Variants in XKR9 observed in about 807,000 individuals in gnomAD.
XKR9 encodes the protein XK-related protein 9.
Under a neutral mutation model 32.0 loss-of-function variants are expected in XKR9, and 32 were observed. The ratio of observed to expected loss-of-function variants is 1.00; its 90% confidence interval spans 0.76 to 1.34. XKR9 has a LOEUF of 1.34. XKR9 is among the 40% of genes most tolerant of loss of function. The pLI, the probability that XKR9 is intolerant of heterozygous loss-of-function variation, is 0.00. For synonymous variants in XKR9, 168 were observed against 143.4 expected, an observed-to-expected ratio of 1.17 and a Z score of -1.22; for missense variants, 546 against 429.7, an observed-to-expected ratio of 1.27 and a Z score of -2.39.
the XKR9 span, among the ~76,000 whole-genome samples, chr8:71,035,974 C>G: frequency 6.6e-6 from 1 of 152,190 alleles, no homozygotes; most frequent in African/African-American, 2.4e-5. Context: ...TAAGCCCTCC[C>G]TCCCGGGGTA....
rs763425564 is a variant in XKR9 at position 70,693,810 on chromosome 8, A to G, written c.272+12480A>G. On this transcript the variant is annotated intron_variant, in intron 3 of 4. Transcript: ENST00000408926. ...CTTCTCCTTAGGTTGACTGCAGCTC[A>G]TTGGAGGTGTGGATAAGGCACTTGG... is the stretch of plus-strand genomic sequence containing the variant. 1.2e-3 allele frequency among the ~76,000 whole-genome samples: 185 copies of G among 152,264 alleles called. 2 individuals carry two copies. The highest frequency in any genetic ancestry group is 3.1e-3 in the Admixed American group (48 of 15,294).
downstream of XKR9, among the ~76,000 whole-genome samples, chr8:70,740,870 G>T (rs1169018305): frequency 6.6e-6 from 1 of 152,242 alleles, no homozygotes; most frequent in Non-Finnish European, 1.5e-5. Flanking sequence ...GTGTCAGTCT[G>T]CCCCTCCTGG....
chr8:70,845,073 C>A, the XKR9 span, among the ~76,000 whole-genome samples: 4 of 152,314 alleles, frequency 2.6e-5, no homozygotes, highest in African/African-American at 9.6e-5. Context: ...CCACTGGGGT[C>A]CAAGGAGTGG....
intron 3 of XKR9, among the ~76,000 whole-genome samples, chr8:70,696,795 T>C (rs1291825008): frequency 2.6e-5 from 4 of 151,654 alleles, no homozygotes; most frequent in African/African-American, 4.8e-5. Flanking sequence ...TTTCACGATA[T>C]TGATTCTTCC....
the XKR9 span, among the ~76,000 whole-genome samples, chr8:70,926,360 T>A: frequency 6.6e-6 from 1 of 152,188 alleles, no homozygotes; most frequent in African/African-American, 2.4e-5. Flanking sequence ...CGTGAGCCAC[T>A]GCACCTGGCC....
chr8:70,962,970 T>G, the XKR9 span, among the ~76,000 whole-genome samples: 5 of 152,212 alleles, frequency 3.3e-5, no homozygotes, highest in East Asian at 9.6e-4. Context: ...TTTTTTTTCT[T>G]CAACTTATAT....
chr8:70,979,604 T>C, the XKR9 span, among the ~76,000 whole-genome samples: 1 of 152,210 alleles, frequency 6.6e-6, no homozygotes, highest in East Asian at 1.9e-4. Context: ...ACAGCAAATA[T>C]TGTGCCTGAT....
chr8:70,799,632 G>A, the XKR9 span, among the ~76,000 whole-genome samples: 10 of 152,046 alleles, frequency 6.6e-5, no homozygotes, highest in African/African-American at 1.9e-4. Flanking sequence ...GTGCGAGGCC[G>A]AGATTGTATT....
the XKR9 span, among the ~76,000 whole-genome samples, chr8:70,918,820 C>T: frequency 1.5e-5 from 2 of 131,736 alleles, no homozygotes; most frequent in Admixed American, 1.6e-4. Flanking sequence ...CTCTGTCGCC[C>T]AGGCTGGAGT....
the XKR9 span, among the ~76,000 whole-genome samples, chr8:70,829,615 A>AT: frequency 6.6e-6 from 1 of 151,994 alleles, no homozygotes; most frequent in African/African-American, 2.4e-5. Context: ...CACCCGGTTA[A>AT]TTTTTTGTAT....
the XKR9 span, among the ~76,000 whole-genome samples, chr8:70,853,594 G>T: frequency 9.9e-5 from 15 of 151,402 alleles, no homozygotes; most frequent in Non-Finnish European, 2.1e-4. Flanking sequence ...TGCACAATGT[G>T]CAGGTTTGTT....
At chr8:70,767,411 TG>T (rs1449689269) in intron 2 of XKR9, among the ~76,000 whole-genome samples, 1 of 152,082 alleles carries the variant, frequency 6.6e-6, no homozygotes, top group Non-Finnish European at 1.5e-5. Flanking sequence ...TATTCTCTGA[TG>T]GTAGTTTGTA....
chr8:70,866,295 G>C, the XKR9 span, among the ~76,000 whole-genome samples: 3 of 152,196 alleles, frequency 2.0e-5, no homozygotes, highest in African/African-American at 7.2e-5. Context: ...TGAAGTTTGT[G>C]CTCTCTTCTT....
chr8:70,922,389 T>C, the XKR9 span, among the ~76,000 whole-genome samples: 2 of 152,368 alleles, frequency 1.3e-5, no homozygotes, highest in South Asian at 2.1e-4. Flanking sequence ...TCTTAGATAA[T>C]GGGTCACTAC....
chr8:70,992,728 C>A, the XKR9 span, among the ~76,000 whole-genome samples: 117 of 152,188 alleles, frequency 7.7e-4, no homozygotes, highest in Admixed American at 1.3e-3. Flanking sequence ...GTTGGTGTTT[C>A]ACCCATGCAG....
At chr8:70,893,746 C>A in the XKR9 span, among the ~76,000 whole-genome samples, 2 of 152,120 alleles carry the variant, frequency 1.3e-5, no homozygotes, top group Non-Finnish European at 2.9e-5. Context: ...ATTTTCCCAA[C>A]AATGATGAGA....
chr8:70,797,145 T>C, the XKR9 span, among the ~76,000 whole-genome samples: 1 of 152,294 alleles, frequency 6.6e-6, no homozygotes, highest in East Asian at 1.9e-4. Context: ...CAGTCTGTTG[T>C]TTTATCAGTT....
chr8:70,754,171 A>T lies in XKR9; in HGVS notation n.353-35168A>T, dbSNP rs201075536. On this transcript the variant is annotated intron_variant and non_coding_transcript_variant, in intron 2 of 3. Coordinates refer to the XKR9 transcript ENST00000520273. Reference sequence around the variant, plus strand: ...GAGCAAACTCCCATTCACAATTGCTACAAAGAGAATAAAATACTTAGGAAT... The same window carrying T: ...GAGCAAACTCCCATTCACAATTGCTTCAAAGAGAATAAAATACTTAGGAAT... Among the ~76,000 whole-genome samples, 11 of 148,240 alleles carry T rather than the reference A, an allele frequency of 7.4e-5. 1 individual carries two copies. In the East Asian group the frequency reaches 8.6e-4, roughly 12 times the overall value.
At chr8:70,984,208 G>C in the XKR9 span, among the ~76,000 whole-genome samples, 1 of 152,166 alleles carries the variant, frequency 6.6e-6, no homozygotes, top group East Asian at 1.9e-4. Flanking sequence ...GTCCATCATT[G>C]TTGCCACTGC....
Sources: allele counts gnomAD v4.1 joint callset (sites outside exome capture counted in the v4.1 genomes callset), GRCh38; gene constraint gnomAD v4.1.1; transcripts MANE v1.5; gene names NCBI Gene and HGNC (gene_info 2026-07-23, HGNC 2026-07-21).